PLCD3: variants seen among roughly 807,000 people sequenced by gnomAD.
PLCD3 encodes 1-phosphatidylinositol 4,5-bisphosphate phosphodiesterase delta-3.
Under a neutral mutation model 82.8 loss-of-function variants are expected in PLCD3, and 62 were observed. The ratio of observed to expected loss-of-function variants is 0.75; its 90% CI spans 0.61 to 0.93. The LOEUF (loss-of-function observed/expected upper bound fraction) is 0.93. Among genes scored for constraint, PLCD3 ranks in the 40% least tolerant of loss-of-function variants. The pLI is 0.00. For missense variants in PLCD3, 1,023 were observed against 1,103.4 expected, an observed-to-expected ratio of 0.93 and a Z score of 1.03; for synonymous variants, 478 against 471.8, an observed-to-expected ratio of 1.01 and a Z score of -0.17.
rs1359324738 is a variant in PLCD3 at position 45,132,286 on chromosome 17, C to A, written c.125G>T (p.Gly42Val). ...LPSPPTPSDGGTKRPGLRALK... is the reference protein window; with the variant it reads ...LPSPPTPSDGVTKRPGLRALK... ...CGCCCGCAGCCCGGGCCTCTTGGTG[C>A]CGCCATCGGAGGGAGTCGGCGGGGA... is the stretch of plus-strand genomic sequence containing the variant. The change falls in exon 1 of 15, where the codon GGC becomes GTC. Residue 42 changes from glycine (G) to valine (V), a missense_variant. Coordinates refer to ENST00000619929, the MANE Select transcript of PLCD3 (RefSeq NM_133373.5). This position sits in a 1 kb window ranked among gnomAD's most constrained non-coding sequence, Gnocchi z 4.6. 1 of 1,272,878 alleles carries A rather than the reference C, an allele frequency of 7.9e-7. No homozygotes were observed. Among genetic ancestry groups the A allele is most frequent in the Non-Finnish European group, 9.9e-7 (1 of 1,008,944 alleles). The allele number at this position is 1,272,878 out of a possible 1,614,324, so 78.8% of individuals were successfully genotyped here.
At chr17:45,117,357 C>A (rs1031490454) in intron 7 of PLCD3, among the ~76,000 whole-genome samples, 2 of 152,052 alleles carry the variant, frequency 1.3e-5, no homozygotes, top group Non-Finnish European at 2.9e-5. Flanking sequence ...GTGATCCCCC[C>A]ACCTCAGCCT....
chr17:45,121,409 C>A (rs2054339970), intron 1 of PLCD3, 37 bp from the exon 2 acceptor site: 1 of 1,467,398 alleles, frequency 6.8e-7, no homozygotes, highest in East Asian at 2.6e-5. Context: ...TCAGGCCGTA[C>A]CTGCCCAGAG....
intron 1 of PLCD3, among the ~76,000 whole-genome samples, chr17:45,122,910 G>A (rs954132661): frequency 1.3e-5 from 2 of 152,122 alleles, no homozygotes; most frequent in South Asian, 2.1e-4. Context: ...GGCACAGCCC[G>A]GAGTGAATGA....
rs527414479 is a variant in PLCD3 at position 45,126,918 on chromosome 17, C to T, written c.163+5330G>A. ...CAAGTGATTCAACAGCCTCTGCCTC[C>T]CAAAGTGCTCCGCACTGTGTACTTT... On this transcript the variant is annotated intron_variant, in intron 1 of 14. Transcript: ENST00000619929. Among the ~76,000 whole-genome samples, 9 of 152,364 alleles carry T rather than the reference C, an allele frequency of 5.9e-5. No homozygotes were observed. The South Asian group carries it at 1.2e-3, about 21-fold the overall frequency.
chr17:45,126,193 G>A (rs542576666), intron 1 of PLCD3, among the ~76,000 whole-genome samples: 111 of 151,492 alleles, frequency 7.3e-4, no homozygotes, highest in African/African-American at 2.6e-3. Context: ...GCAGGTGCCC[G>A]CCACCACACC....
intron 3 of PLCD3, 147 bp downstream of exon 3, chr17:45,120,753 GTT>G (rs2054329756): frequency 6.5e-6 from 7 of 1,076,228 alleles, no homozygotes; most frequent in Non-Finnish European, 8.9e-6. Context: ...CCCACCCTCA[GTT>G]TCGAAGACCA....
In PLCD3 at chr17:45,132,235, G is replaced by A; in HGVS notation, c.163+13C>T. 1 of 1,267,280 alleles carries A rather than the reference G, an allele frequency of 7.9e-7. No individual in the cohort carries two copies. The highest frequency in any genetic ancestry group is 3.7e-5 in the South Asian group (1 of 27,026). 78.5% of individuals were successfully genotyped at this position (1,267,280 alleles called of 1,614,324 possible). The stretch of plus-strand genomic sequence containing the variant: ...GTCCGCGCCCACCCCACCGCCCCTT[G>A]CCCGTCACTGACCCATCTTCTTCAG... On this transcript the variant is annotated intron_variant, in intron 1 of 14. Transcript: ENST00000619929. This position sits in a 1 kb window ranked among gnomAD's most constrained non-coding sequence, Gnocchi z 4.6.
intron 1 of PLCD3, among the ~76,000 whole-genome samples, chr17:45,127,667 G>A (rs1008822504): frequency 2.0e-5 from 3 of 152,178 alleles, no homozygotes; most frequent in Non-Finnish European, 4.4e-5. Flanking sequence ...GGCAGGGAGG[G>A]TGGGAGTTCT....
In PLCD3 at chr17:45,110,447, GA is replaced by G. The variant is rs11418925; in HGVS notation, c.*2168del. The G allele has an allele frequency of 9.5e-5, 14 of 146,982 alleles. No homozygotes were observed. The highest frequency in any genetic ancestry group is 3.4e-4 in the Admixed American group (5 of 14,834). 9.1% of individuals were successfully genotyped at this position (146,982 alleles called of 1,614,324 possible). A position where few individuals can be genotyped will look rare whatever the true frequency, so the allele number is the denominator to read the frequency against. On this transcript the variant is annotated 3_prime_UTR_variant, in exon 15 of 15. Coordinates refer to ENST00000619929, the MANE Select transcript of PLCD3 (RefSeq NM_133373.5). ...GGACGAGCAAGACTTTGTCTCAAAA[GA>G]AAAAAAAAAAAGACTCTTGCCCTTT...
chr17:45,115,963 C>T (rs1376321763), intron 8 of PLCD3, among the ~76,000 whole-genome samples: 4 of 152,180 alleles, frequency 2.6e-5, no homozygotes, highest in African/African-American at 9.7e-5. Flanking sequence ...GGGAGGGGAG[C>T]ACTGCTCATC....
At chr17:45,115,267 G>A in intron 9 of PLCD3, 23 bp from the exon 10 acceptor site, 2 of 1,540,198 alleles carry the variant, frequency 1.3e-6, no homozygotes, top group East Asian at 2.4e-5. Flanking sequence ...GCTCAGCGGG[G>A]TTCAGCTGGC....
intron 9 of PLCD3, 41 bp downstream of exon 9, chr17:45,115,303 A>AC: frequency 2.0e-6 from 3 of 1,499,268 alleles, no homozygotes; most frequent in Admixed American, 2.1e-5. Flanking sequence ...CCGTCCTCCC[A>AC]CCTTCCCCCC....
At position 45,121,255 on chromosome 17, in the gene PLCD3, A is replaced by C. The variant is rs750283951; in HGVS notation, c.281T>G (p.Val94Gly). Residue 94 changes from valine (V) to glycine (G), a missense_variant, in exon 2 of 15, where the codon GTG becomes GGG. Transcript: ENST00000619929. ...ACGCGGGATGCGCCGCTGGAACCAC[A>C]CGCTCAGGCCGTCCTCCTGCAGCCG... is the stretch of plus-strand genomic sequence containing the variant. ...LYRLQEDGLSVWFQRRIPRAP... is the reference protein window; with the variant it reads ...LYRLQEDGLSGWFQRRIPRAP... The C allele has an allele frequency of 1.9e-6, 3 of 1,591,902 alleles. No individual in the cohort carries two copies. Among genetic ancestry groups the C allele is most frequent in the South Asian group, 1.1e-5 (1 of 89,914 alleles).
At position 45,125,675 on chromosome 17, in the gene PLCD3, A is replaced by G. The variant is rs568544438; in HGVS notation, c.164-4303T>C. Reference sequence around the variant, plus strand: ...AAGCAAAATATGGTTTATCGATACAATGGAATAGTATTCAGCCATGTAAAG... The same window carrying G: ...AAGCAAAATATGGTTTATCGATACAGTGGAATAGTATTCAGCCATGTAAAG... On this transcript the variant is annotated intron_variant, in intron 1 of 14. Transcript: ENST00000619929. Among the ~76,000 whole-genome samples the G allele has an allele frequency of 7.9e-4, 120 of 152,360 alleles. 1 individual carries two copies. Among genetic ancestry groups the G allele is most frequent in the African/African-American group, 2.7e-3 (113 of 41,582 alleles).
Position 45,118,334 on chromosome 17 carries a change from C to CA in PLCD3, c.1071dup (p.Asp358Ter). The CA allele has an allele frequency of 6.2e-7, 1 of 1,614,014 alleles. No homozygotes were observed. Among genetic ancestry groups the CA allele is most frequent in the Non-Finnish European group, 8.5e-7 (1 of 1,179,884 alleles). ...CTGCTGGGCCCCCCGATCTGGGAGT[C>CA]AGTCAGATAGGTGTTGTGGGAGGAA... On this transcript the variant is annotated frameshift_variant, in exon 6 of 15. Coordinates refer to ENST00000619929, the MANE Select transcript of PLCD3 (RefSeq NM_133373.5). LOFTEE classifies it high-confidence loss of function. The surrounding 1 kb of genome is among the most constrained non-coding windows in gnomAD (Gnocchi z 4.1).
At chr17:45,125,671 T>A (rs1353628316) in intron 1 of PLCD3, among the ~76,000 whole-genome samples, 2 of 152,198 alleles carry the variant, frequency 1.3e-5, no homozygotes, top group African/African-American at 4.8e-5. Flanking sequence ...GGTTTATCGA[T>A]ACAATGGAAT....
chr17:45,124,316 G>A (rs990398348), intron 1 of PLCD3, among the ~76,000 whole-genome samples: 3 of 152,248 alleles, frequency 2.0e-5, no homozygotes, highest in African/African-American at 7.2e-5. Context: ...GGCTCCCAAT[G>A]GAGGGGGCCC....
chr17:45,123,956 A>C (rs1314715010), intron 1 of PLCD3, among the ~76,000 whole-genome samples: 383 of 129,144 alleles, frequency 3.0e-3, no homozygotes, highest in Admixed American at 4.9e-3. Context: ...GGCTCACCAG[A>C]CCCCCCCCCC....
chr17:45,117,303 A>G (rs2054298951), intron 7 of PLCD3, among the ~76,000 whole-genome samples: 1 of 152,062 alleles, frequency 6.6e-6, no homozygotes. Flanking sequence ...GCTGAAGTGC[A>G]GTGGCACAGT....
Sources: allele counts gnomAD v4.1 joint callset (sites outside exome capture counted in the v4.1 genomes callset), GRCh38; gene constraint gnomAD v4.1.1; non-coding constraint Gnocchi (gnomAD v3.1); transcripts MANE v1.5; gene names NCBI Gene and HGNC (gene_info 2026-07-23, HGNC 2026-07-21).